EBF1: variants seen among roughly 807,000 people sequenced by gnomAD.
EBF1 encodes the protein EBF transcription factor 1, also known as transcription factor COE1.
Under a neutral mutation model 68.4 loss-of-function variants are expected in EBF1, and 10 were observed. That is an observed-to-expected ratio of 0.15 (90% CI 0.09 to 0.25). The LOEUF is 0.25. EBF1 is among the 10% of genes least tolerant of loss of function. The pLI is 1.00. For missense variants in EBF1, 509 were observed against 794.4 expected (o/e 0.64, Z 4.32); for synonymous variants, 298 against 299.8 (o/e 0.99, Z 0.06).
At chr5:158,833,878 T>C (rs891701072) in intron 7 of EBF1, among the ~76,000 whole-genome samples, 1 of 152,248 alleles carries the variant, frequency 6.6e-6, no homozygotes, top group Non-Finnish European at 1.5e-5. Flanking sequence ...AAAGACCTTA[T>C]CTTTCTTATT....
intron 5 of EBF1, among the ~76,000 whole-genome samples, chr5:159,079,989 T>A (rs1779467823): frequency 1.3e-5 from 2 of 152,180 alleles, no homozygotes; most frequent in Admixed American, 1.3e-4. Context: ...GCCTTCTTGC[T>A]AAGCGTGATT....
chr5:159,043,377 T>G (rs73301964), intron 6 of EBF1, among the ~76,000 whole-genome samples: 3,078 of 152,316 alleles, frequency 0.02, 93 homozygotes, highest in African/African-American at 0.069. Flanking sequence ...CCTCCTGCCC[T>G]TTCCTTCATA....
intron 6 of EBF1, among the ~76,000 whole-genome samples, chr5:159,048,577 G>C (rs1400997271): frequency 6.6e-6 from 1 of 152,168 alleles, no homozygotes; most frequent in Non-Finnish European, 1.5e-5. Flanking sequence ...ATTCCAATGG[G>C]ACCATGTACC....
chr5:158,967,041 A>T (rs1048410242), intron 6 of EBF1, among the ~76,000 whole-genome samples: 3 of 117,106 alleles, frequency 2.6e-5, no homozygotes, highest in Non-Finnish European at 5.8e-5. Flanking sequence ...ATAACAACCC[A>T]AGTTTCTGGA....
intron 6 of EBF1, among the ~76,000 whole-genome samples, chr5:159,043,617 A>G (rs989434874): frequency 1.3e-5 from 2 of 152,162 alleles, no homozygotes; most frequent in Admixed American, 1.3e-4. Flanking sequence ...TTTAGATTCA[A>G]ATTATGTCTT....
At chr5:158,914,325 G>A (rs1371673692) in intron 6 of EBF1, among the ~76,000 whole-genome samples, 2 of 152,104 alleles carry the variant, frequency 1.3e-5, no homozygotes, top group Non-Finnish European at 2.9e-5. Flanking sequence ...AGCCTATATG[G>A]GTGTGAATAA....
At chr5:158,949,455 C>A (rs1815522243) in intron 6 of EBF1, among the ~76,000 whole-genome samples, 2 of 151,994 alleles carry the variant, frequency 1.3e-5, no homozygotes, top group Non-Finnish European at 2.9e-5. Context: ...CACAGTGAGA[C>A]CCCCATCTCT....
chr5:158,712,915 A>G (rs1330453780), intron 13 of EBF1, 55 bp downstream of exon 13: 2 of 1,389,208 alleles, frequency 1.4e-6, no homozygotes, highest in African/African-American at 2.9e-5. Flanking sequence ...TGACCAATAA[A>G]TGAGGAGATG....
At chr5:158,795,462 T>C (rs552963958) in intron 9 of EBF1, among the ~76,000 whole-genome samples, 1 of 152,356 alleles carries the variant, frequency 6.6e-6, no homozygotes, top group African/African-American at 2.4e-5. Flanking sequence ...TAAGTCTCAG[T>C]AAGTTAGGAT....
chr5:158,882,246 C>T (rs1368042405), intron 6 of EBF1, among the ~76,000 whole-genome samples: 2 of 152,186 alleles, frequency 1.3e-5, no homozygotes, highest in African/African-American at 4.8e-5. Context: ...TCACTTAACA[C>T]CATTAATCTA....
At position 158,777,495 on chromosome 5, in the gene EBF1, G is replaced by A. The variant is rs558489565; in HGVS notation, c.954C>T (p.His318=). Residue 318 remains histidine, a synonymous_variant, in exon 10 of 16, where the codon CAC becomes CAT. Coordinates refer to ENST00000313708, the MANE Select transcript of EBF1 (RefSeq NM_024007.5). ...HAIRVQTPPR[H]IPGVVEVTLS... ...GTGTGACTTCCACAACACCAGGGAT[G>A]TGCCGAGGAGGGGTCTGCACACGGA... The A allele has an allele frequency of 6.2e-7, 1 of 1,612,870 alleles. No individual in the cohort carries two copies. Among genetic ancestry groups the A allele is most frequent in the South Asian group, 1.1e-5 (1 of 90,916 alleles).
intron 4 of EBF1, among the ~76,000 whole-genome samples, chr5:159,085,167 T>C (rs561276840): frequency 3.3e-5 from 5 of 152,218 alleles, no homozygotes; most frequent in Non-Finnish European, 7.3e-5. Context: ...GGCTCAACAT[T>C]TAGTCTTCCA....
intron 10 of EBF1, among the ~76,000 whole-genome samples, chr5:158,766,250 A>G (rs1772642384): frequency 6.6e-6 from 1 of 152,164 alleles, no homozygotes; most frequent in African/African-American, 2.4e-5. Context: ...TATGGCTGAG[A>G]AAAAAATCTT....
intron 11 of EBF1, among the ~76,000 whole-genome samples, chr5:158,721,508 A>AG (rs1373671640): frequency 6.6e-6 from 1 of 152,230 alleles, no homozygotes; most frequent in African/African-American, 2.4e-5. Context: ...GGATATTAAA[A>AG]GGTCAACAAA....
At chr5:159,085,380 T>C (rs997799606) in intron 4 of EBF1, among the ~76,000 whole-genome samples, 9 of 152,200 alleles carry the variant, frequency 5.9e-5, no homozygotes, top group Admixed American at 4.6e-4. Flanking sequence ...CATAAAGTTA[T>C]CTCCCTAAAC....
Position 158,737,744 on chromosome 5 carries a change from G to C in EBF1, c.1037-6587C>G, listed in dbSNP as rs746559379. 5.0e-4 allele frequency among the ~76,000 whole-genome samples: 76 copies of C among 152,206 alleles called. No individual in the cohort carries two copies. In the Middle Eastern group the frequency reaches 0.014, roughly 27 times the overall value. On this transcript the variant is annotated intron_variant, in intron 10 of 15. Coordinates refer to ENST00000313708, the MANE Select transcript of EBF1 (RefSeq NM_024007.5). ...GTCCTTTTTACAAAGAGTGCAGCCA[G>C]GGTAACATGCAAAGAAAAGGCTGAA...
chr5:159,020,232 T>C (rs1015671470), intron 6 of EBF1, among the ~76,000 whole-genome samples: 4 of 152,106 alleles, frequency 2.6e-5, no homozygotes, highest in African/African-American at 7.2e-5. Flanking sequence ...AAAGGATCAA[T>C]TGATGGGCTT....
intron 10 of EBF1, among the ~76,000 whole-genome samples, chr5:158,753,894 T>G (rs1057133232): frequency 1.3e-5 from 2 of 152,024 alleles, no homozygotes; most frequent in African/African-American, 4.8e-5. Flanking sequence ...TAAACAAAGT[T>G]GTTGTAGACC....
intron 6 of EBF1, among the ~76,000 whole-genome samples, chr5:159,018,075 C>A (rs544050109): frequency 6.6e-6 from 1 of 151,960 alleles, no homozygotes; most frequent in African/African-American, 2.4e-5. Context: ...GCTAACCCCA[C>A]CCCCTCTTCT....
Sources: allele counts gnomAD v4.1 joint callset (sites outside exome capture counted in the v4.1 genomes callset), GRCh38; gene constraint gnomAD v4.1.1; transcripts MANE v1.5; gene names NCBI Gene and HGNC (gene_info 2026-07-23, HGNC 2026-07-21).